Variants in ERICH3 observed in about 807,000 individuals in gnomAD.
ERICH3 encodes the protein glutamate-rich protein 3.
Under a neutral mutation model 131.1 loss-of-function variants are expected in ERICH3, and 126 were observed. That is an observed-to-expected ratio of 0.96 (90% confidence interval 0.83 to 1.11). ERICH3 has a LOEUF of 1.11. ERICH3 is among the 50% of genes most tolerant of loss of function. The probability of loss-of-function intolerance (pLI) is 0.00; values close to 1 mark genes in which losing one functional copy is unlikely to be tolerated. For synonymous variants in ERICH3, 695 were observed against 644.6 expected (o/e 1.08, Z -1.18); for missense variants, 2,050 against 1,810.7 (o/e 1.13, Z -2.40).
At chr1:74,656,583 A>C (rs575847532) in intron 1 of ERICH3, among the ~76,000 whole-genome samples, 1 of 152,310 alleles carries the variant, frequency 6.6e-6, no homozygotes, top group Non-Finnish European at 1.5e-5. Flanking sequence ...GCCATTATCC[A>C]TCAAGTAAAA....
intron 1 of ERICH3, among the ~76,000 whole-genome samples, chr1:74,667,160 A>G (rs992352218): frequency 6.6e-6 from 1 of 152,114 alleles, no homozygotes; most frequent in African/African-American, 2.4e-5. Context: ...CAAGGTCTTT[A>G]TTTCGTCTAT....
At chr1:74,641,986 G>T (rs1318296171) in intron 4 of ERICH3, among the ~76,000 whole-genome samples, 1 of 152,046 alleles carries the variant, frequency 6.6e-6, no homozygotes, top group Non-Finnish European at 1.5e-5. Flanking sequence ...CCTGGGCAAG[G>T]GTGAATAACA....
intron 12 of ERICH3, among the ~76,000 whole-genome samples, chr1:74,580,306 A>G (rs1347328513): frequency 6.6e-6 from 1 of 151,872 alleles, no homozygotes; most frequent in African/African-American, 2.4e-5. Context: ...AAAACATTAT[A>G]ATAAAGTCTT....
At position 74,599,686 on chromosome 1, in the gene ERICH3, AC is replaced by A; in HGVS notation, c.1726+8del. On this transcript the variant is annotated splice_region_variant and intron_variant, in intron 11 of 14. Coordinates refer to ENST00000326665, the MANE Select transcript of ERICH3 (RefSeq NM_001002912.5). ...CAGCCTATGTTACATGATAAGCTGA[AC>A]AACTCGCCTTGTTTATCCTCTTCCA... 6.3e-7 allele frequency: 1 copy of A among 1,592,212 alleles called. No individual in the cohort carries two copies. Among genetic ancestry groups the A allele is most frequent in the Non-Finnish European group, 8.6e-7 (1 of 1,168,588 alleles).
At position 74,587,708 on chromosome 1, in the gene ERICH3, C is replaced by T. The variant is rs545293169; in HGVS notation, c.2176+1923G>A. The stretch of plus-strand genomic sequence containing the variant: ...AAAAATGAAAATAATGTTAGTGTTT[C>T]TATTGACCTTTAACACCTCTACCTT... On this transcript the variant is annotated intron_variant, in intron 12 of 14. Transcript: ENST00000326665. Among the ~76,000 whole-genome samples, 3 of 152,242 alleles carry T rather than the reference C, an allele frequency of 2.0e-5. No homozygotes were observed. The South Asian group carries it at 6.2e-4, about 32-fold the overall frequency.
intron 1 of ERICH3, among the ~76,000 whole-genome samples, chr1:74,670,755 C>A (rs1341300635): frequency 6.6e-6 from 1 of 152,116 alleles, no homozygotes; most frequent in Non-Finnish European, 1.5e-5. Flanking sequence ...GGGAAGACAA[C>A]CATAAGGTCT....
At chr1:74,625,971 T>C (rs1446429175) in intron 7 of ERICH3, 1 of 152,104 alleles carries the variant, frequency 6.6e-6, no homozygotes, top group Admixed American at 6.6e-5. Flanking sequence ...AAAATATTCA[T>C]TGAATATCAA....
At chr1:74,585,656 A>C (rs696688) in intron 12 of ERICH3, among the ~76,000 whole-genome samples, 1 of 151,906 alleles carries the variant, frequency 6.6e-6, no homozygotes, top group Non-Finnish European at 1.5e-5. Flanking sequence ...ACTGAAAAAT[A>C]ATTAAATACC....
chr1:74,620,812 G>A lies in ERICH3; in HGVS notation c.922C>T (p.Arg308Trp), dbSNP rs143088578. Residue 308 changes from arginine to tryptophan, a missense_variant, in exon 8 of 15, where the codon CGG becomes TGG. Coordinates refer to ENST00000326665, the MANE Select transcript of ERICH3 (RefSeq NM_001002912.5). ...VHLSSDNPDF[R>W]DEIKVYQQHC... ...TGCTGATAAACTTTAATTTCATCCC[G>A]GAAGTCAGGATTATCAGAAGATAGG... 6.3e-5 allele frequency: 101 copies of A among 1,612,958 alleles called. No homozygotes were observed. Among genetic ancestry groups the A allele is most frequent in the Non-Finnish European group, 7.5e-5 (88 of 1,179,510 alleles).
intron 12 of ERICH3, among the ~76,000 whole-genome samples, chr1:74,581,151 A>G (rs1647170839): frequency 6.6e-6 from 1 of 152,150 alleles, no homozygotes; most frequent in Non-Finnish European, 1.5e-5. Context: ...GGATTTGCAG[A>G]TGTTCTACAA....
Position 74,572,938 on chromosome 1 carries a change from C to T in ERICH3, c.2772G>A (p.Glu924=), listed in dbSNP as rs770389567. Residue 924 remains glutamate, a synonymous_variant, in exon 14 of 15, where the codon GAG becomes GAA. Coordinates refer to ENST00000326665, the MANE Select transcript of ERICH3 (RefSeq NM_001002912.5). The stretch of plus-strand genomic sequence containing the variant: ...CCTCTCCCTCCTCCGATGTCGCTGC[C>T]TCTCTCAGGGCTGCTACTTCATGAA... ...EHLHEVAALR[E]AATSEEGEAE... The T allele has an allele frequency of 4.3e-6, 7 of 1,614,118 alleles. No homozygotes were observed. The highest frequency in any genetic ancestry group is 5.9e-6 in the Non-Finnish European group (7 of 1,180,032).
Position 74,579,597 on chromosome 1 carries a change from C to T in ERICH3, c.2177-2661G>A, listed in dbSNP as rs923357850. Reference sequence around the variant, plus strand: ...TATCAAGGACTTACTAGGTGTGAAACCAGAAAAGGCTTCACTTGGTCGTTT... The same window carrying T: ...TATCAAGGACTTACTAGGTGTGAAATCAGAAAAGGCTTCACTTGGTCGTTT... On this transcript the variant is annotated intron_variant, in intron 12 of 14. Transcript: ENST00000326665. 8.2e-5 allele frequency: 81 copies of T among 985,226 alleles called. No individual in the cohort carries two copies. The African/African-American group carries it at 1.2e-3, about 15-fold the overall frequency. The allele number at this position is 985,226 out of a possible 1,614,324, so 61.0% of individuals were successfully genotyped here.
chr1:74,624,042 A>G (rs1460788595), intron 7 of ERICH3: 5 of 152,190 alleles, frequency 3.3e-5, no homozygotes, highest in African/African-American at 7.2e-5. Context: ...GTAACTTGCC[A>G]GTGCTGATGC....
rs767001895 is a variant in ERICH3, at chr1:74,571,685, A to G, written c.4025T>C (p.Val1342Ala). 1.2e-6 allele frequency: 2 copies of G among 1,613,634 alleles called. No homozygotes were observed. Among genetic ancestry groups the G allele is most frequent in the Admixed American group, 3.3e-5 (2 of 60,000 alleles). Residue 1342 changes from valine to alanine, a missense_variant, in exon 14 of 15, where the codon GTT becomes GCT. Coordinates refer to ENST00000326665, the MANE Select transcript of ERICH3 (RefSeq NM_001002912.5). ...TGCCGTTTCACCACCTCCGTGTAGA[A>G]CTTCCACAGCCACAACCCTTCCTCC... ...MGGGRVVAVE[V>A]LHGGGETAET...
intron 7 of ERICH3, among the ~76,000 whole-genome samples, chr1:74,628,700 C>T (rs1649494965): frequency 1.3e-5 from 2 of 152,032 alleles, no homozygotes; most frequent in South Asian, 4.2e-4. Context: ...ACAGTACACA[C>T]ACACACACAC....
intron 7 of ERICH3, among the ~76,000 whole-genome samples, chr1:74,630,764 A>G (rs1010541647): frequency 3.9e-5 from 6 of 152,014 alleles, no homozygotes; most frequent in African/African-American, 1.5e-4. Flanking sequence ...AGAGAATGAC[A>G]GATAGTATGA....
rs114427352 is a variant in ERICH3 at position 74,586,978 on chromosome 1, A to G, written c.2176+2653T>C. Among the ~76,000 whole-genome samples, 348 of 152,282 alleles carry G rather than the reference A, an allele frequency of 2.3e-3. 4 individuals carry two copies. The highest frequency in any genetic ancestry group is 7.8e-3 in the African/African-American group (326 of 41,556). On this transcript the variant is annotated intron_variant, in intron 12 of 14. Coordinates refer to ENST00000326665, the MANE Select transcript of ERICH3 (RefSeq NM_001002912.5). ...TTCTCTATTGTCTAAATATTATTCC[A>G]TGTGTATTATTTGTTAATAAAAAAT...
At chr1:74,654,821 A>G (rs1255340964) in intron 1 of ERICH3, among the ~76,000 whole-genome samples, 1 of 152,164 alleles carries the variant, frequency 6.6e-6, no homozygotes, top group Non-Finnish European at 1.5e-5. Flanking sequence ...ATCACTTGCC[A>G]AAGACCATAT....
At chr1:74,585,176 G>T (rs1400435100) in intron 12 of ERICH3, among the ~76,000 whole-genome samples, 2 of 152,026 alleles carry the variant, frequency 1.3e-5, no homozygotes, top group Non-Finnish European at 2.9e-5. Context: ...TCCACTATTA[G>T]AACATATTGC....
Sources: gnomAD v4.1 joint callset for allele counts (sites outside exome capture counted in the v4.1 genomes callset) on GRCh38, gnomAD v4.1.1 for gene constraint, MANE v1.5 for transcripts, NCBI Gene and HGNC (gene_info 2026-07-23, HGNC 2026-07-21) for gene names.